The following MTMR6 variants were observed in gnomAD, a reference collection of about 807,000 sequenced individuals.
The protein encoded by MTMR6 is phosphatidylinositol-3,5-bisphosphate 3-phosphatase MTMR6.
Under a neutral mutation model 80.1 loss-of-function variants are expected in MTMR6, and 47 were observed. The ratio of observed to expected loss-of-function variants is 0.59; its 90% CI spans 0.46 to 0.75. The LOEUF (loss-of-function observed/expected upper bound fraction) is 0.75, where lower values mean the gene tolerates loss of function less well. Ranked by LOEUF, MTMR6 falls within the 30% of genes least tolerant of loss-of-function variation. The probability of loss-of-function intolerance (pLI) is 0.00; values close to 1 mark genes in which losing one functional copy is unlikely to be tolerated. For synonymous variants in MTMR6, 254 were observed against 253.0 expected, an observed-to-expected ratio of 1.00 and a Z score of -0.04; for missense variants, 629 against 730.9, an observed-to-expected ratio of 0.86 and a Z score of 1.61.
intron 1 of MTMR6, among the ~76,000 whole-genome samples, chr13:25,277,404 A>G (rs1957748343): frequency 1.3e-5 from 2 of 152,222 alleles, no homozygotes; most frequent in Admixed American, 6.5e-5. Context: ...TTATGCATGA[A>G]TATCTCCTAA....
intron 6 of MTMR6, 125 bp downstream of exon 6, chr13:25,261,543 T>G: frequency 1.2e-6 from 1 of 822,436 alleles, no homozygotes; most frequent in Non-Finnish European, 1.7e-6. Flanking sequence ...CTTAGTATCA[T>G]TAGCCTTAGT....
At chr13:25,264,520 C>T (rs113398962) in intron 5 of MTMR6, among the ~76,000 whole-genome samples, 2,863 of 151,676 alleles carry the variant, frequency 0.019, 106 homozygotes, top group African/African-American at 0.066. Context: ...TTTGGGAGGC[C>T]GAGGCGGGTG....
At chr13:25,276,497 G>A (rs1392696564) in intron 1 of MTMR6, among the ~76,000 whole-genome samples, 2 of 152,174 alleles carry the variant, frequency 1.3e-5, no homozygotes, top group Non-Finnish European at 2.9e-5. Flanking sequence ...ATTTTTTGAA[G>A]ATCATAAATA....
At chr13:25,255,086 T>G (rs1468191935) in intron 9 of MTMR6, among the ~76,000 whole-genome samples, 2 of 152,198 alleles carry the variant, frequency 1.3e-5, no homozygotes, top group African/African-American at 4.8e-5. Context: ...AACACATATT[T>G]GTAGTATTTA....
intron 7 of MTMR6, 144 bp downstream of exon 7, chr13:25,258,416 A>G: frequency 1.7e-6 from 1 of 591,156 alleles, no homozygotes; most frequent in Non-Finnish European, 2.7e-6. Context: ...TTTATAATAT[A>G]TTAAGTAAGG....
rs776691722 is a variant in MTMR6 at position 25,252,036 on chromosome 13, A to T, written c.1347-52T>A. 5.2e-6 allele frequency: 8 copies of T among 1,551,086 alleles called. No individual in the cohort carries two copies. The Admixed American group carries it at 1.0e-4, about 20-fold the overall frequency. ...ATCTTTCCTATAGATGCAAAGTAGT[A>T]ATGGTAATATTCATTTTTATAAATC... is the stretch of plus-strand genomic sequence containing the variant. On this transcript the variant is annotated intron_variant, in intron 11 of 13. Transcript: ENST00000381801.
chr13:25,285,792 C>T (rs991771208), intron 1 of MTMR6, among the ~76,000 whole-genome samples: 2 of 152,252 alleles, frequency 1.3e-5, no homozygotes, highest in East Asian at 3.9e-4. Context: ...CCTCGGCCTC[C>T]CACAGTGCTG....
chr13:25,252,240 G>T (rs916252503), intron 11 of MTMR6, among the ~76,000 whole-genome samples: 4 of 152,076 alleles, frequency 2.6e-5, no homozygotes, highest in African/African-American at 9.7e-5. Flanking sequence ...TATATTTTAA[G>T]GGATTCCTCT....
At chr13:25,271,969 T>C (rs1292966496) in intron 2 of MTMR6, among the ~76,000 whole-genome samples, 1 of 152,206 alleles carries the variant, frequency 6.6e-6, no homozygotes. Context: ...AACAGTGTGG[T>C]ACAGTGTAGT....
intron 2 of MTMR6, among the ~76,000 whole-genome samples, chr13:25,271,981 A>T (rs752029398): frequency 1.4e-4 from 22 of 152,250 alleles, no homozygotes; most frequent in Non-Finnish European, 2.6e-4. Flanking sequence ...CAGTGTAGTC[A>T]GTATACCAAA....
rs1442136006 is a variant in MTMR6 at position 25,248,886 on chromosome 13, T to G, written c.*346A>C. 1 of 184,106 alleles carries G rather than the reference T, an allele frequency of 5.4e-6. No individual in the cohort carries two copies. The highest frequency in any genetic ancestry group is 1.1e-5 in the Non-Finnish European group (1 of 89,266). The allele number at this position is 184,106 out of a possible 1,614,324, so 11.4% of individuals were successfully genotyped here. ...TATTAAGAAACTATGTTGTCAAATTTTGTTTTCTTGAAGTTAAATTGTACT... is the reference window on the plus strand; with the variant it reads ...TATTAAGAAACTATGTTGTCAAATTGTGTTTTCTTGAAGTTAAATTGTACT... On this transcript the variant is annotated 3_prime_UTR_variant, in exon 14 of 14. Coordinates refer to ENST00000381801, the MANE Select transcript of MTMR6 (RefSeq NM_004685.5).
chr13:25,269,394 G>A (rs961044630), intron 2 of MTMR6, among the ~76,000 whole-genome samples: 1 of 152,020 alleles, frequency 6.6e-6, no homozygotes, highest in African/African-American at 2.4e-5. Flanking sequence ...AATACTTGAT[G>A]GTATTTTAAA....
intron 13 of MTMR6, 91 bp from the exon 14 acceptor site, chr13:25,249,583 T>A: frequency 7.9e-7 from 1 of 1,270,906 alleles, no homozygotes. Context: ...CAAAATATGT[T>A]CTCTGTATGT....
Position 25,249,267 on chromosome 13 carries a change from T to C in MTMR6, c.1831A>G (p.Ser611Gly). Residue 611 changes from serine (S) to glycine (G), a missense_variant, in exon 14 of 14, where the codon AGC (serine) becomes GGC (glycine). Coordinates refer to ENST00000381801, the MANE Select transcript of MTMR6 (RefSeq NM_004685.5). ...ATTCTTGCCACACCATACTCTAAGCTGACCACAGCAGGTTCTGATTTAGAA... is the reference window on the plus strand; with the variant it reads ...ATTCTTGCCACACCATACTCTAAGCCGACCACAGCAGGTTCTGATTTAGAA... ...EFSKSEPAVV[S>G]LEYGVARMTC The C allele has an allele frequency of 6.2e-7, 1 of 1,614,102 alleles. No individual in the cohort carries two copies. The highest frequency in any genetic ancestry group is 1.3e-5 in the African/African-American group (1 of 75,070).
chr13:25,283,932 G>A (rs1322967788), intron 1 of MTMR6, among the ~76,000 whole-genome samples: 1 of 152,170 alleles, frequency 6.6e-6, no homozygotes, highest in Non-Finnish European at 1.5e-5. Context: ...GCTTGGAAAT[G>A]CTCTTTCAGA....
rs1224902027 is a variant in MTMR6, at chr13:25,287,258, C to T, written c.-11G>A. 2 of 1,591,104 alleles carry T rather than the reference C, an allele frequency of 1.3e-6. No homozygotes were observed. The highest frequency in any genetic ancestry group is 1.7e-6 in the Non-Finnish European group (2 of 1,171,572). ...CCGGATATGCTCCATCGCAAGGAGA[C>T]GTCAGCCGGCAGCCGGTCTCACAGG... On this transcript the variant is annotated 5_prime_UTR_variant, in exon 1 of 14. Coordinates refer to ENST00000381801, the MANE Select transcript of MTMR6 (RefSeq NM_004685.5).
chr13:25,261,963 G>C (rs1443702582), intron 5 of MTMR6, among the ~76,000 whole-genome samples, 161 bp from the exon 6 acceptor site: 1 of 152,114 alleles, frequency 6.6e-6, no homozygotes, highest in Non-Finnish European at 1.5e-5. Flanking sequence ...TCAATATTTT[G>C]ACATTCCTAA....
At chr13:25,257,414 G>A in intron 8 of MTMR6, 93 bp from the exon 9 acceptor site, 2 of 1,405,392 alleles carry the variant, frequency 1.4e-6, no homozygotes, top group South Asian at 1.4e-5. Flanking sequence ...GTGTTACAAG[G>A]AAGTGCTATG....
At chr13:25,282,403 A>G (rs1957869620) in intron 1 of MTMR6, among the ~76,000 whole-genome samples, 1 of 152,066 alleles carries the variant, frequency 6.6e-6, no homozygotes, top group Non-Finnish European at 1.5e-5. Flanking sequence ...CTCTTCTCCA[A>G]CTAGATAAGT....
Sources: gnomAD v4.1 joint callset for allele counts (sites outside exome capture counted in the v4.1 genomes callset) on GRCh38, gnomAD v4.1.1 for gene constraint, MANE v1.5 for transcripts, NCBI Gene and HGNC (gene_info 2026-07-23, HGNC 2026-07-21) for gene names.